Variants in TCF3 observed in about 807,000 individuals in gnomAD.
TCF3 encodes the protein transcription factor E2-alpha.
A neutral mutation model predicts 72.3 loss-of-function variants in TCF3; 54 were observed. The observed-to-expected ratio is 0.75, with a 90% CI of 0.60 to 0.94. The LOEUF (loss-of-function observed/expected upper bound fraction) is 0.94, where lower values mean the gene tolerates loss of function less well. Among genes scored for constraint, TCF3 ranks in the 40% least tolerant of loss-of-function variants. The probability of loss-of-function intolerance (pLI) is 0.00; values close to 1 mark genes in which losing one functional copy is unlikely to be tolerated. For synonymous variants in TCF3, 525 were observed against 412.6 expected, an observed-to-expected ratio of 1.27 and a Z score of -3.30; for missense variants, 1,078 against 934.4, an observed-to-expected ratio of 1.15 and a Z score of -2.00.
At chr19:1,638,902 G>A (rs1461469497) in intron 3 of TCF3, among the ~76,000 whole-genome samples, 1 of 151,796 alleles carries the variant, frequency 6.6e-6, no homozygotes, top group Non-Finnish European at 1.5e-5. Flanking sequence ...GGTGCTTAAC[G>A]TCTTTAATCT....
At chr19:1,650,346 T>G in intron 1 of TCF3, 59 bp from the exon 2 acceptor site, 1 of 1,302,438 alleles carries the variant, frequency 7.7e-7, no homozygotes. Flanking sequence ...AGAAGAGTTG[T>G]GAGTGGTCAA....
intron 3 of TCF3, among the ~76,000 whole-genome samples, chr19:1,635,071 G>A (rs2064214954): frequency 6.6e-6 from 1 of 152,166 alleles, no homozygotes; most frequent in African/African-American, 2.4e-5. Flanking sequence ...TGCCGGGCAG[G>A]CAAAACTATT....
chr19:1,635,494 A>AC (rs1274938646), intron 3 of TCF3, among the ~76,000 whole-genome samples: 6 of 151,308 alleles, frequency 4.0e-5, no homozygotes, highest in Admixed American at 1.3e-4. Flanking sequence ...ACAGGAGGTG[A>AC]CCCCCACCCA....
rs373604954 is a variant in TCF3 at position 1,622,274 on chromosome 19, G to A, written c.652+39C>T. Reference sequence around the variant, plus strand: ...GGGCCGAGTGGGGAACCCCAGCCCTGCCCTACCGTCCCTGGCGAGCCCCCG... The same window carrying A: ...GGGCCGAGTGGGGAACCCCAGCCCTACCCTACCGTCCCTGGCGAGCCCCCG... On this transcript the variant is annotated intron_variant, in intron 9 of 18. Transcript: ENST00000262965. The A allele has an allele frequency of 2.4e-5, 36 of 1,505,984 alleles. No individual in the cohort carries two copies. The African/African-American group carries it at 4.5e-4, about 19-fold the overall frequency. 93.3% of individuals were successfully genotyped at this position (1,505,984 alleles called of 1,614,324 possible).
rs756585124 is a variant in TCF3 at position 1,615,271 on chromosome 19, G to A, written c.1822+14C>T. The A allele has an allele frequency of 2.0e-5, 32 of 1,572,040 alleles. No individual in the cohort carries two copies. The highest frequency in any genetic ancestry group is 8.1e-5 in the South Asian group (7 of 86,082). ...GGCGCTGCAGGGACGCTGGTGGCCC[G>A]CGCCCCCACTGACCTCGCACTTGCT... On this transcript the variant is annotated intron_variant, in intron 18 of 18. Transcript: ENST00000262965. This position sits in a 1 kb window ranked among gnomAD's most constrained non-coding sequence, Gnocchi z 7.3.
chr19:1,636,777 G>A (rs976850088), intron 3 of TCF3, among the ~76,000 whole-genome samples: 10 of 152,114 alleles, frequency 6.6e-5, no homozygotes, highest in Admixed American at 4.6e-4. Context: ...ATGCTTCTGG[G>A]GCACCACAGA....
chr19:1,621,065 G>T lies in TCF3; in HGVS notation c.1015-19C>A. On this transcript the variant is annotated intron_variant, in intron 12 of 18. Coordinates refer to ENST00000262965, the MANE Select transcript of TCF3 (RefSeq NM_003200.5). ...AGTAGATCTGCGAGGAGGACCAGGA[G>T]AGATGGGCGGTCAGGGGCCGGCCTC... The T allele has an allele frequency of 6.6e-7, 1 of 1,525,116 alleles. No individual in the cohort carries two copies. Among genetic ancestry groups the T allele is most frequent in the Non-Finnish European group, 8.9e-7 (1 of 1,128,860 alleles). The allele number at this position is 1,525,116 out of a possible 1,614,324, so 94.5% of individuals were successfully genotyped here.
chr19:1,627,126 C>T (rs542047224), intron 6 of TCF3, among the ~76,000 whole-genome samples: 5 of 152,338 alleles, frequency 3.3e-5, no homozygotes, highest in African/African-American at 9.6e-5. Context: ...AACCGAGCCC[C>T]TCCAGCTAAG....
intron 18 of TCF3, among the ~76,000 whole-genome samples, chr19:1,613,281 G>A (rs2061226749): frequency 6.6e-6 from 1 of 152,168 alleles, no homozygotes; most frequent in Admixed American, 6.5e-5. Flanking sequence ...CCAGGTGCAA[G>A]TGCCCTCAGA....
rs886785360 is a variant in TCF3, at chr19:1,614,435, C to T, written c.1822+850G>A. On this transcript the variant is annotated intron_variant, in intron 18 of 18. Transcript: ENST00000262965. The surrounding 1 kb of genome is among the most constrained non-coding windows in gnomAD (Gnocchi z 5.6). ...GCAAGTGCGAGGTGAGGAGGGGCTG[C>T]CACGGGAAGCAGAGGGACGGACGGG... Among the ~76,000 whole-genome samples the T allele has an allele frequency of 1.3e-5, 2 of 152,140 alleles. No homozygotes were observed. Among genetic ancestry groups the T allele is most frequent in the African/African-American group, 4.8e-5 (2 of 41,422 alleles).
At chr19:1,625,481 C>T (rs1397047165) in intron 7 of TCF3, 95 bp downstream of exon 7, 2 of 1,394,572 alleles carry the variant, frequency 1.4e-6, no homozygotes, top group African/African-American at 3.1e-5. Context: ...GCGGGGTCTG[C>T]TCCCTCTGGT....
chr19:1,631,949 G>C, intron 5 of TCF3, 89 bp downstream of exon 5: 1 of 1,552,928 alleles, frequency 6.4e-7, no homozygotes, highest in South Asian at 1.2e-5. Flanking sequence ...CTGGGGACTT[G>C]CCTGGCGCTG....
Position 1,622,351 on chromosome 19 carries a change from G to C in TCF3, c.614C>G (p.Thr205Ser). 1 of 1,518,784 alleles carries C rather than the reference G, an allele frequency of 6.6e-7. No individual in the cohort carries two copies. Among genetic ancestry groups the C allele is most frequent in the Non-Finnish European group, 8.8e-7 (1 of 1,131,410 alleles). The allele number at this position is 1,518,784 out of a possible 1,614,324, so 94.1% of individuals were successfully genotyped here. A position where few individuals can be genotyped will look rare whatever the true frequency, so the allele number is the denominator to read the frequency against. ...GGGGGCGGGATAGGTGCTGCTGGGG[G>C]TCTTGGCGGACGGGTAGGCGGTGGC... ...RDATAYPSAK[T>S]PSSTYPAPFY... Residue 205 changes from threonine to serine, a missense_variant, in exon 9 of 19, where the codon ACC becomes AGC. Coordinates refer to ENST00000262965, the MANE Select transcript of TCF3 (RefSeq NM_003200.5).
rs889344180 is a variant in TCF3, at chr19:1,644,521, C to T, written c.145+1834G>A. Among the ~76,000 whole-genome samples, 14 of 152,212 alleles carry T rather than the reference C, an allele frequency of 9.2e-5. No individual in the cohort carries two copies. In the East Asian group the frequency reaches 2.5e-3, roughly 27 times the overall value. On this transcript the variant is annotated intron_variant, in intron 3 of 18. Coordinates refer to ENST00000262965, the MANE Select transcript of TCF3 (RefSeq NM_003200.5). The stretch of plus-strand genomic sequence containing the variant: ...GGGCCCTCCAAAGCCTCCGCCCTAA[C>T]GTGTGAGGGGACAAGGCGAGACCCT...
chr19:1,628,976 G>A (rs866226887), intron 5 of TCF3, among the ~76,000 whole-genome samples: 5 of 68,568 alleles, frequency 7.3e-5, no homozygotes, highest in African/African-American at 4.0e-4. Context: ...CTCACAGGGG[G>A]TGAGGCGGGA....
chr19:1,644,441 G>A (rs562702234), intron 3 of TCF3, among the ~76,000 whole-genome samples: 2 of 152,308 alleles, frequency 1.3e-5, no homozygotes, highest in Admixed American at 6.5e-5. Context: ...TCCCAGGCTG[G>A]AGCAGCCACA....
chr19:1,625,779 A>C, intron 6 of TCF3, 71 bp from the exon 7 acceptor site: 1 of 1,422,728 alleles, frequency 7.0e-7, no homozygotes, highest in East Asian at 3.0e-5. Context: ...TTCAAGAAAA[A>C]ACTGCAAAGG....
intron 8 of TCF3, among the ~76,000 whole-genome samples, chr19:1,623,510 A>G (rs961071914): frequency 6.6e-6 from 1 of 151,706 alleles, no homozygotes; most frequent in Non-Finnish European, 1.5e-5. Flanking sequence ...CAGCCTCCCA[A>G]GTAGCTGGGA....
chr19:1,632,372 C>A lies in TCF3; in HGVS notation c.179G>T (p.Gly60Val). 1.3e-6 allele frequency: 2 copies of A among 1,596,960 alleles called. No homozygotes were observed. The highest frequency in any genetic ancestry group is 1.7e-5 in the Admixed American group (1 of 57,928). ...LEDRPSSGSWGSGDQSSSSFD... is the reference protein window; with the variant it reads ...LEDRPSSGSWVSGDQSSSSFD... ...GGAGGAGCTGCTCTGGTCGCCGCTG[C>A]CCCAGGAGCCTGAGCTGGGCCGGTC... is the stretch of plus-strand genomic sequence containing the variant. Residue 60 changes from glycine to valine, a missense_variant, in exon 4 of 19, where the codon GGC (glycine) becomes GTC (valine). Coordinates refer to ENST00000262965, the MANE Select transcript of TCF3 (RefSeq NM_003200.5).
Sources: gnomAD v4.1 joint callset for allele counts (sites outside exome capture counted in the v4.1 genomes callset) on GRCh38, gnomAD v4.1.1 for gene constraint, Gnocchi (gnomAD v3.1) non-coding constraint, MANE v1.5 for transcripts, NCBI Gene and HGNC (gene_info 2026-07-23, HGNC 2026-07-21) for gene names.